CCSER1: variants seen among roughly 807,000 people sequenced by gnomAD.
CCSER1 encodes the protein coiled-coil serine rich protein 1.
In CCSER1, 41 loss-of-function variants were observed where a neutral mutation model predicts 82.0. That is an observed-to-expected ratio of 0.50 (90% CI 0.39 to 0.65). CCSER1 has a LOEUF of 0.65. Among genes scored for constraint, CCSER1 ranks in the 30% least tolerant of loss-of-function variants. The pLI, the probability that CCSER1 is intolerant of heterozygous loss-of-function variation, is 0.00. For synonymous variants in CCSER1, 414 were observed against 383.9 expected, an observed-to-expected ratio of 1.08 and a Z score of -0.92; for missense variants, 1,119 against 1,064.2, an observed-to-expected ratio of 1.05 and a Z score of -0.72.
chr4:90,953,465 C>A (rs1581190715), intron 9 of CCSER1, among the ~76,000 whole-genome samples: 2 of 150,840 alleles, frequency 1.3e-5, no homozygotes, highest in African/African-American at 4.9e-5. Flanking sequence ...ATTGTCAAGG[C>A]AATTAGATAA....
chr4:91,236,646 C>T (rs943817026), intron 10 of CCSER1, among the ~76,000 whole-genome samples: 3 of 152,060 alleles, frequency 2.0e-5, no homozygotes, highest in African/African-American at 7.2e-5. Flanking sequence ...ATGATCAATG[C>T]ATAAATAAAA....
intron 5 of CCSER1, among the ~76,000 whole-genome samples, chr4:90,501,526 A>G (rs903001473): frequency 6.6e-6 from 1 of 152,198 alleles, no homozygotes; most frequent in Non-Finnish European, 1.5e-5. Flanking sequence ...TTTGTCCTCT[A>G]GAAGCATTTT....
intron 7 of CCSER1, among the ~76,000 whole-genome samples, chr4:90,808,663 GA>G (rs1292993715): frequency 6.6e-6 from 1 of 152,018 alleles, no homozygotes; most frequent in Non-Finnish European, 1.5e-5. Context: ...AACCAGCAGG[GA>G]AATGTCCATT....
chr4:90,359,415 C>A (rs1044341056), intron 3 of CCSER1, among the ~76,000 whole-genome samples: 6 of 151,966 alleles, frequency 3.9e-5, no homozygotes, highest in Admixed American at 2.6e-4. Context: ...GAGCATATAA[C>A]CTCTGGAGCA....
intron 5 of CCSER1, among the ~76,000 whole-genome samples, chr4:90,482,928 G>A (rs1010460162): frequency 7.9e-5 from 12 of 152,174 alleles, no homozygotes; most frequent in African/African-American, 2.9e-4. Flanking sequence ...GGATATCCTT[G>A]TTAACTTTCT....
chr4:90,783,725 CT>C (rs991083523), intron 7 of CCSER1, among the ~76,000 whole-genome samples: 4 of 152,158 alleles, frequency 2.6e-5, no homozygotes, highest in Non-Finnish European at 4.4e-5. Flanking sequence ...AATTCCAGGC[CT>C]CTCTAACCTT....
At chr4:90,438,475 G>A (rs1009381416) in intron 4 of CCSER1, among the ~76,000 whole-genome samples, 2 of 152,004 alleles carry the variant, frequency 1.3e-5, no homozygotes, top group African/African-American at 4.8e-5. Context: ...AAATAACATT[G>A]TTAAGGTGAT....
intron 10 of CCSER1, among the ~76,000 whole-genome samples, chr4:91,554,565 G>C (rs1008267209): frequency 6.6e-6 from 1 of 151,074 alleles, no homozygotes; most frequent in Non-Finnish European, 1.5e-5. Flanking sequence ...TAAATAAATG[G>C]AAAAATATCC....
intron 4 of CCSER1, among the ~76,000 whole-genome samples, chr4:90,428,752 G>C (rs1025891320): frequency 6.6e-6 from 1 of 151,746 alleles, no homozygotes; most frequent in African/African-American, 2.4e-5. Context: ...TGTTGTTCCA[G>C]AGTGAACTGT....
chr4:90,904,666 G>A (rs935056577), intron 8 of CCSER1, among the ~76,000 whole-genome samples: 1 of 152,020 alleles, frequency 6.6e-6, no homozygotes, highest in Non-Finnish European at 1.5e-5. Flanking sequence ...GAGCAATAAG[G>A]GGGGGCCTGG....
intron 8 of CCSER1, among the ~76,000 whole-genome samples, chr4:90,919,113 AGGACTTAGTATGAATCTGC>A (rs1728003564): frequency 4.3e-5 from 6 of 140,366 alleles, no homozygotes; most frequent in Admixed American, 1.4e-4. Context: ...AAAAAAAAAA[AGGACTTAGTATGAATCTGC>A]AAGAAAATAT....
chr4:90,265,000 A>G (rs1724987290), intron 1 of CCSER1, among the ~76,000 whole-genome samples: 1 of 152,024 alleles, frequency 6.6e-6, no homozygotes, highest in Non-Finnish European at 1.5e-5. Context: ...TTCTGTCTTC[A>G]TAAACTATGT....
intron 10 of CCSER1, among the ~76,000 whole-genome samples, chr4:91,379,289 T>C (rs867857688): frequency 1.8e-4 from 27 of 152,310 alleles, no homozygotes; most frequent in Non-Finnish European, 3.1e-4. Flanking sequence ...GAGGATTCCC[T>C]CTTTTTCTAT....
chr4:91,081,386 T>A (rs1234366976), intron 9 of CCSER1, among the ~76,000 whole-genome samples: 1 of 152,098 alleles, frequency 6.6e-6, no homozygotes, highest in Non-Finnish European at 1.5e-5. Context: ...AAACTCTCAA[T>A]AAATTAGGTA....
intron 9 of CCSER1, among the ~76,000 whole-genome samples, chr4:91,076,638 A>G (rs1722024418): frequency 6.6e-6 from 1 of 152,128 alleles, no homozygotes; most frequent in Non-Finnish European, 1.5e-5. Context: ...AATAAGCTAA[A>G]ATAATATTTA....
chr4:91,305,782 G>A (rs1745018796), intron 10 of CCSER1, among the ~76,000 whole-genome samples: 1 of 151,834 alleles, frequency 6.6e-6, no homozygotes, highest in African/African-American at 2.4e-5. Context: ...CCACATGACT[G>A]GGGAGGCCTC....
At position 91,247,024 on chromosome 4, in the gene CCSER1, C is replaced by T. The variant is rs188658380; in HGVS notation, c.2217+161030C>T. Among the ~76,000 whole-genome samples, 160 of 152,082 alleles carry T rather than the reference C, an allele frequency of 1.1e-3. 3 individuals carry two copies. The highest frequency in any genetic ancestry group is 9.2e-3 in the Admixed American group (140 of 15,258). ...GAGTTTAAAAATACTGGAATTGGCC[C>T]GGTGCAGTGGCTCACACCTGTAATC... On this transcript the variant is annotated intron_variant, in intron 10 of 10. Coordinates refer to ENST00000509176, the MANE Select transcript of CCSER1 (RefSeq NM_001145065.2).
chr4:90,305,994 G>A (rs950573218), intron 1 of CCSER1, among the ~76,000 whole-genome samples: 2 of 152,142 alleles, frequency 1.3e-5, no homozygotes, highest in Non-Finnish European at 2.9e-5. Flanking sequence ...ATGCTATTCA[G>A]CCTAAAAAAG....
chr4:91,116,658 G>C (rs1455153069), intron 10 of CCSER1, among the ~76,000 whole-genome samples: 1 of 152,156 alleles, frequency 6.6e-6, no homozygotes, highest in Non-Finnish European at 1.5e-5. Context: ...GTTGCTGCTG[G>C]TGGTGGTGCT....
Sources: gnomAD v4.1 joint callset for allele counts (sites outside exome capture counted in the v4.1 genomes callset) on GRCh38, gnomAD v4.1.1 for gene constraint, MANE v1.5 for transcripts, NCBI Gene and HGNC (gene_info 2026-07-23, HGNC 2026-07-21) for gene names.